The following PDE1A variants were observed in gnomAD, a reference collection of about 807,000 sequenced individuals.
The protein encoded by PDE1A is dual specificity calcium/calmodulin-dependent 3',5'-cyclic nucleotide phosphodiesterase 1A.
In PDE1A, 35 loss-of-function variants were observed where a neutral mutation model predicts 61.7. That is an observed-to-expected ratio of 0.57 (90% CI 0.43 to 0.75). The LOEUF is 0.75. PDE1A is among the 30% of genes least tolerant of loss of function. PDE1A has a pLI of 0.00. For missense variants in PDE1A, 597 were observed against 630.6 expected, an observed-to-expected ratio of 0.95 and a Z score of 0.57; for synonymous variants, 232 against 213.2, an observed-to-expected ratio of 1.09 and a Z score of -0.77.
exon 5 of PDE1A, chr2:182,231,098 G>C: frequency 6.2e-7 from 1 of 1,603,982 alleles, no homozygotes; most frequent in Non-Finnish European, 8.5e-7. Flanking sequence ...GCTTCATTTA[G>C]GGCAAATACA....
At chr2:182,603,094 A>C in the PDE1A span, among the ~76,000 whole-genome samples, 4 of 152,080 alleles carry the variant, frequency 2.6e-5, no homozygotes, top group East Asian at 7.7e-4. Flanking sequence ...CTTTGACATT[A>C]ATTTGAAAGG....
At chr2:182,444,993 T>C (rs1279496098) in intron 2 of PDE1A, among the ~76,000 whole-genome samples, 1 of 152,102 alleles carries the variant, frequency 6.6e-6, no homozygotes, top group Non-Finnish European at 1.5e-5. Flanking sequence ...AAAAATTGTT[T>C]TTATTGGCTG....
At chr2:182,606,838 A>G in the PDE1A span, among the ~76,000 whole-genome samples, 1 of 152,170 alleles carries the variant, frequency 6.6e-6, no homozygotes, top group South Asian at 2.1e-4. Context: ...TCTTCAGGAA[A>G]AGGGAAGAGC....
intron 7 of PDE1A, among the ~76,000 whole-genome samples, chr2:182,218,415 A>T (rs926914317): frequency 4.5e-5 from 4 of 89,490 alleles, no homozygotes; most frequent in Non-Finnish European, 9.1e-5. Flanking sequence ...AACTTAAAGT[A>T]TAATAAAAAA....
At chr2:182,143,867 T>C (rs565693453), downstream of PDE1A, among the ~76,000 whole-genome samples, 1 of 152,296 alleles carries the variant, frequency 6.6e-6, no homozygotes, top group South Asian at 2.1e-4. Context: ...CAGTTGGAAT[T>C]TCTCTTCCTA....
At chr2:182,697,745 T>C in the PDE1A span, among the ~76,000 whole-genome samples, 1 of 152,212 alleles carries the variant, frequency 6.6e-6, no homozygotes, top group Non-Finnish European at 1.5e-5. Flanking sequence ...GATTCCAAAG[T>C]CTAGGCTTGG....
intron 9 of PDE1A, 25 bp downstream of exon 9, chr2:182,201,663 A>AC (rs1686659185): frequency 2.0e-6 from 3 of 1,518,024 alleles, no homozygotes; most frequent in African/African-American, 2.9e-5. Flanking sequence ...AAAAAAAAAA[A>AC]CAACAAAAAA....
the PDE1A span, among the ~76,000 whole-genome samples, chr2:182,684,307 T>A: frequency 6.6e-5 from 10 of 152,250 alleles, no homozygotes; most frequent in African/African-American, 2.4e-4. Flanking sequence ...ACATTGTGTA[T>A]TATATATAGT....
At position 182,244,652 on chromosome 2, in the gene PDE1A, T is replaced by A. The variant is rs1057106367; in HGVS notation, c.168-4360A>T. 7.9e-5 allele frequency among the ~76,000 whole-genome samples: 12 copies of A among 152,356 alleles called. No individual in the cohort carries two copies. In the South Asian group the frequency reaches 2.5e-3, roughly 32 times the overall value. ...AGGATGAGCTCACAGATTTGTACAT[T>A]CCTCTGGCATGGGTTCTTTGTCATG... On this transcript the variant is annotated intron_variant, in intron 2 of 13. Transcript: ENST00000351439.
chr2:182,672,970 C>G, the PDE1A span, among the ~76,000 whole-genome samples: 1 of 152,186 alleles, frequency 6.6e-6, no homozygotes, highest in Admixed American at 6.5e-5. Flanking sequence ...CAGTAGTTAT[C>G]ACGTGACTCA....
upstream of PDE1A, among the ~76,000 whole-genome samples, chr2:182,528,020 GA>G (rs574271162): frequency 3.3e-3 from 501 of 152,220 alleles, 4 homozygotes; most frequent in African/African-American, 0.012. Context: ...TCAGCAGCAT[GA>G]AAATGGACTA....
chr2:182,627,242 A>AATATAAATAATATATTATTTAT, the PDE1A span, among the ~76,000 whole-genome samples: 1,175 of 52,694 alleles, frequency 0.022, 164 homozygotes, highest in African/African-American at 0.092. Context: ...TTATATATAA[A>AATATAAATAATATATTATTTAT]ATATAAATAA....
At chr2:182,151,684 T>C (rs898484792) in intron 13 of PDE1A, among the ~76,000 whole-genome samples, 3 of 152,244 alleles carry the variant, frequency 2.0e-5, no homozygotes, top group African/African-American at 7.2e-5. Flanking sequence ...TTAGTTTTGT[T>C]CTCAATAGTA....
the PDE1A span, among the ~76,000 whole-genome samples, chr2:182,684,355 T>C: frequency 5.3e-5 from 8 of 152,278 alleles, no homozygotes; most frequent in African/African-American, 1.9e-4. Context: ...TACAGGCTGC[T>C]AATTAAATAG....
At chr2:182,633,053 C>T in the PDE1A span, among the ~76,000 whole-genome samples, 2 of 152,122 alleles carry the variant, frequency 1.3e-5, no homozygotes, top group African/African-American at 2.4e-5. Context: ...CAAATAAAGA[C>T]GAATTTCATG....
At chr2:182,526,250 GA>G (rs1323509565), upstream of PDE1A, among the ~76,000 whole-genome samples, 1 of 151,966 alleles carries the variant, frequency 6.6e-6, no homozygotes, top group African/African-American at 2.4e-5. Context: ...TCAAATATTG[GA>G]AAAATTCCAA....
At chr2:182,672,594 T>G in the PDE1A span, among the ~76,000 whole-genome samples, 1 of 152,242 alleles carries the variant, frequency 6.6e-6, no homozygotes, top group Non-Finnish European at 1.5e-5. Flanking sequence ...TGTTTAACTT[T>G]TCTTTGGTAA....
At chr2:182,172,712 T>C (rs1035878300) in intron 13 of PDE1A, among the ~76,000 whole-genome samples, 4 of 152,058 alleles carry the variant, frequency 2.6e-5, no homozygotes, top group African/African-American at 9.7e-5. Context: ...AACTAAATGA[T>C]AGGCTTCTTG....
intron 10 of PDE1A, among the ~76,000 whole-genome samples, chr2:182,192,150 C>G (rs139143815): frequency 1.3e-5 from 2 of 152,116 alleles, no homozygotes; most frequent in Non-Finnish European, 2.9e-5. Context: ...AGCCACTGTG[C>G]CCAGCCACTT....
Sources: gnomAD v4.1 joint callset for allele counts (sites outside exome capture counted in the v4.1 genomes callset) on GRCh38, gnomAD v4.1.1 for gene constraint, MANE v1.5 for transcripts, NCBI Gene and HGNC (gene_info 2026-07-23, HGNC 2026-07-21) for gene names.